The following PPM1H variants were observed in gnomAD, a reference collection of about 807,000 sequenced individuals.
The protein encoded by PPM1H is protein phosphatase, Mg2+/Mn2+ dependent 1H, also known as protein phosphatase 1H.
Under a neutral mutation model 54.9 loss-of-function variants are expected in PPM1H, and 27 were observed. That is an observed-to-expected ratio of 0.49 (90% CI 0.36 to 0.68). The LOEUF (loss-of-function observed/expected upper bound fraction) is 0.68, where lower values mean the gene tolerates loss of function less well. Ranked by LOEUF, PPM1H falls within the 30% of genes least tolerant of loss-of-function variation. PPM1H has a pLI of 0.00. For synonymous variants in PPM1H, 305 were observed against 270.8 expected, an observed-to-expected ratio of 1.13 and a Z score of -1.24; for missense variants, 596 against 667.8, an observed-to-expected ratio of 0.89 and a Z score of 1.19.
chr12:62,845,588 G>A (rs564507972), intron 1 of PPM1H, among the ~76,000 whole-genome samples: 1 of 152,260 alleles, frequency 6.6e-6, no homozygotes, highest in East Asian at 1.9e-4. Flanking sequence ...TTTAATACGG[G>A]TGTACAAGGG....
rs567935071 is a variant in PPM1H at position 62,648,282 on chromosome 12, T to G, written c.*207A>C. The G allele has an allele frequency of 1.7e-6, 1 of 571,694 alleles. No homozygotes were observed. The highest frequency in any genetic ancestry group is 2.4e-5 in the South Asian group (1 of 40,934). The allele number at this position is 571,694 out of a possible 1,614,324, so 35.4% of individuals were successfully genotyped here. On this transcript the variant is annotated 3_prime_UTR_variant, in exon 10 of 10. Transcript: ENST00000228705. ...AACACTTGGTAGCAGCCTTTGTGTT[T>G]TGCTCTTGTTGAGTTGACCTGTTAC...
chr12:62,862,265 G>A (rs901329527), intron 1 of PPM1H, among the ~76,000 whole-genome samples: 2 of 152,190 alleles, frequency 1.3e-5, no homozygotes, highest in South Asian at 2.1e-4. Context: ...CCCCAGGAGA[G>A]GCAAGAGTTC....
intron 6 of PPM1H, among the ~76,000 whole-genome samples, chr12:62,698,264 T>C (rs918765446): frequency 1.3e-5 from 2 of 152,112 alleles, no homozygotes; most frequent in Non-Finnish European, 2.9e-5. Context: ...AGAAAGTCAC[T>C]GTCCTAGGAG....
At chr12:62,761,369 A>T (rs943699935) in intron 4 of PPM1H, among the ~76,000 whole-genome samples, 1 of 152,238 alleles carries the variant, frequency 6.6e-6, no homozygotes, top group African/African-American at 2.4e-5. Flanking sequence ...AAATGGGATT[A>T]TGTATGAAAA....
intron 2 of PPM1H, among the ~76,000 whole-genome samples, chr12:62,824,965 A>G (rs954327340): frequency 9.2e-5 from 14 of 152,164 alleles, no homozygotes; most frequent in African/African-American, 2.4e-4. Context: ...TGAACAGACA[A>G]CCTACAGAAT....
chr12:62,781,152 C>T (rs1049803640), intron 4 of PPM1H, among the ~76,000 whole-genome samples: 1 of 152,216 alleles, frequency 6.6e-6, no homozygotes, highest in African/African-American at 2.4e-5. Flanking sequence ...GGATAGGATG[C>T]TTCACAGCTA....
At chr12:62,803,727 G>A (rs1334158015) in intron 2 of PPM1H, among the ~76,000 whole-genome samples, 3 of 152,114 alleles carry the variant, frequency 2.0e-5, no homozygotes, top group Non-Finnish European at 2.9e-5. Flanking sequence ...ATGTTTCTGC[G>A]CAGCAAAGGA....
chr12:62,870,742 A>T (rs571407502), intron 1 of PPM1H, among the ~76,000 whole-genome samples: 62 of 152,372 alleles, frequency 4.1e-4, no homozygotes, highest in African/African-American at 1.4e-3. Context: ...CTTATAGAAC[A>T]TACGGACAAA....
intron 1 of PPM1H, among the ~76,000 whole-genome samples, chr12:62,867,976 G>A (rs779408431): frequency 2.0e-5 from 3 of 152,106 alleles, no homozygotes; most frequent in Non-Finnish European, 4.4e-5. Context: ...GGTTGGTTAT[G>A]TTTTTCATTT....
Position 62,694,008 on chromosome 12 carries a change from G to T in PPM1H, c.1074-9C>A. Reference sequence around the variant, plus strand: ...CAATGGTTTTGTATGCCCTGTAGGGGATAAACAACATTTTAAAAAAGGTTT... The same window carrying T: ...CAATGGTTTTGTATGCCCTGTAGGGTATAAACAACATTTTAAAAAAGGTTT... On this transcript the variant is annotated splice_polypyrimidine_tract_variant and intron_variant, in intron 6 of 9. Coordinates refer to ENST00000228705, the MANE Select transcript of PPM1H (RefSeq NM_020700.2). The T allele has an allele frequency of 3.1e-6, 5 of 1,609,340 alleles. No homozygotes were observed. The highest frequency in any genetic ancestry group is 4.2e-6 in the Non-Finnish European group (5 of 1,177,492).
intron 1 of PPM1H, among the ~76,000 whole-genome samples, chr12:62,856,086 T>G (rs1869375911): frequency 6.6e-6 from 1 of 152,188 alleles, no homozygotes; most frequent in African/African-American, 2.4e-5. Flanking sequence ...CTCTAATGCA[T>G]TTGGATGGCT....
chr12:62,927,873 T>A (rs17823016), intron 1 of PPM1H, among the ~76,000 whole-genome samples: 13,146 of 152,138 alleles, frequency 0.086, 714 homozygotes, highest in East Asian at 0.21. Context: ...CATTTTTCAC[T>A]CTGTTCTTCA....
At chr12:62,703,497 T>A (rs1304230879) in intron 6 of PPM1H, among the ~76,000 whole-genome samples, 4 of 150,802 alleles carry the variant, frequency 2.7e-5, no homozygotes, top group African/African-American at 7.3e-5. Flanking sequence ...CAGAGGCACA[T>A]TCCACAGGGG....
At chr12:62,876,802 C>T (rs1870188405) in intron 1 of PPM1H, among the ~76,000 whole-genome samples, 1 of 152,192 alleles carries the variant, frequency 6.6e-6, no homozygotes, top group Admixed American at 6.5e-5. Flanking sequence ...TTAGTAGTCC[C>T]TTACAAACCC....
At chr12:62,691,423 G>A (rs553159969) in intron 7 of PPM1H, among the ~76,000 whole-genome samples, 1 of 152,106 alleles carries the variant, frequency 6.6e-6, no homozygotes, top group Admixed American at 6.5e-5. Flanking sequence ...CTGTCAACAG[G>A]GCTGTGAATT....
chr12:62,705,078 G>A (rs191367092), intron 6 of PPM1H, among the ~76,000 whole-genome samples: 9 of 152,306 alleles, frequency 5.9e-5, no homozygotes, highest in South Asian at 2.1e-4. Flanking sequence ...AGGTTTCACC[G>A]GTGGTAAGAA....
intron 2 of PPM1H, among the ~76,000 whole-genome samples, chr12:62,802,424 G>A (rs2076776761): frequency 6.6e-6 from 1 of 152,174 alleles, no homozygotes; most frequent in Non-Finnish European, 1.5e-5. Context: ...CACCTAGCAA[G>A]GGAGCCCAAA....
intron 1 of PPM1H, among the ~76,000 whole-genome samples, chr12:62,902,285 C>T (rs987209865): frequency 1.6e-4 from 24 of 151,604 alleles, no homozygotes; most frequent in African/African-American, 5.3e-4. Context: ...ACCCGGGAGG[C>T]GGAGGTTGCA....
At chr12:62,748,912 T>C (rs964780461) in intron 4 of PPM1H, among the ~76,000 whole-genome samples, 32 of 152,290 alleles carry the variant, frequency 2.1e-4, no homozygotes, top group Non-Finnish European at 4.1e-4. Context: ...AATCAGGTGA[T>C]TTTACAGGCA....
Sources: gnomAD v4.1 joint callset for allele counts (sites outside exome capture counted in the v4.1 genomes callset) on GRCh38, gnomAD v4.1.1 for gene constraint, MANE v1.5 for transcripts, NCBI Gene and HGNC (gene_info 2026-07-23, HGNC 2026-07-21) for gene names.